Variants in ASXL2 observed in about 807,000 individuals in gnomAD.
ASXL2 encodes ASXL transcriptional regulator 2.
ASXL2 carries 23 observed loss-of-function variants against 122.0 expected under a neutral mutation model. That is an observed-to-expected ratio of 0.19 (90% CI 0.14 to 0.27). ASXL2 has a LOEUF of 0.27. Ranked by LOEUF, ASXL2 falls within the 10% of genes least tolerant of loss-of-function variation. ASXL2 has a pLI of 1.00. For missense variants in ASXL2, 1,518 were observed against 1,713.8 expected (o/e 0.89, Z 2.02); for synonymous variants, 650 against 637.0 (o/e 1.02, Z -0.31).
intron 5 of ASXL2, among the ~76,000 whole-genome samples, chr2:25,774,529 GAATTTATA>G (rs2149157958): frequency 6.6e-6 from 1 of 152,070 alleles, no homozygotes. Context: ...AGGCTGTTTT[GAATTTATA>G]TGTAGTTTTC....
intron 5 of ASXL2, among the ~76,000 whole-genome samples, chr2:25,784,875 G>A (rs2088711317): frequency 6.6e-6 from 1 of 152,208 alleles, no homozygotes; most frequent in Non-Finnish European, 1.5e-5. Flanking sequence ...CAGAGGTTAT[G>A]ATTTCAATAT....
At chr2:25,772,266 T>C (rs2088469041) in intron 5 of ASXL2, among the ~76,000 whole-genome samples, 1 of 152,124 alleles carries the variant, frequency 6.6e-6, no homozygotes, top group African/African-American at 2.4e-5. Context: ...AATACAGAAA[T>C]TGCTGATTCA....
At chr2:25,834,734 CCA>C (rs2089489218) in intron 3 of ASXL2, among the ~76,000 whole-genome samples, 2 of 152,122 alleles carry the variant, frequency 1.3e-5, no homozygotes, top group Admixed American at 6.6e-5. Context: ...AAGGCCATGC[CCA>C]CACACAAAAA....
chr2:25,813,280 G>C (rs908680230), intron 3 of ASXL2, among the ~76,000 whole-genome samples: 2 of 152,100 alleles, frequency 1.3e-5, no homozygotes, highest in Admixed American at 1.3e-4. Flanking sequence ...ATAAACACAG[G>C]TCCACAGTCC....
At chr2:25,799,364 T>G (rs752917598) in intron 5 of ASXL2, 21 bp downstream of exon 5, 28 of 1,613,854 alleles carry the variant, frequency 1.7e-5, no homozygotes, top group Middle Eastern at 1.6e-4. Flanking sequence ...AGTACTTTAT[T>G]GAAGGATCAG....
chr2:25,823,988 T>C (rs2089345495), intron 3 of ASXL2, among the ~76,000 whole-genome samples: 1 of 152,224 alleles, frequency 6.6e-6, no homozygotes, highest in African/African-American at 2.4e-5. Context: ...GGAAACCTTT[T>C]TAAAGTGGAT....
chr2:25,853,125 C>A (rs770943247), intron 1 of ASXL2, among the ~76,000 whole-genome samples: 1 of 152,166 alleles, frequency 6.6e-6, no homozygotes, highest in Non-Finnish European at 1.5e-5. Flanking sequence ...ATTTCACATA[C>A]GGTTTTTGAC....
At chr2:25,848,140 A>G (rs543540119) in intron 1 of ASXL2, among the ~76,000 whole-genome samples, 2 of 152,360 alleles carry the variant, frequency 1.3e-5, no homozygotes, top group East Asian at 3.9e-4. Context: ...TTTCTCTGGC[A>G]TATCAAATCT....
At chr2:25,851,868 G>C (rs2089719689) in intron 1 of ASXL2, among the ~76,000 whole-genome samples, 1 of 152,080 alleles carries the variant, frequency 6.6e-6, no homozygotes, top group Non-Finnish European at 1.5e-5. Flanking sequence ...TCCAGCCTCG[G>C]TGACACAATG....
chr2:25,858,812 A>AT (rs765331691), intron 1 of ASXL2, among the ~76,000 whole-genome samples: 5,096 of 139,166 alleles, frequency 0.037, 133 homozygotes, highest in African/African-American at 0.078. Flanking sequence ...TAGAAATCTA[A>AT]TTTTTTTTTT....
chr2:25,779,436 T>A (rs13004909), intron 5 of ASXL2, among the ~76,000 whole-genome samples: 39,111 of 151,922 alleles, frequency 0.26, 5,257 homozygotes, highest in Non-Finnish European at 0.29. Context: ...CCGCCTAACA[T>A]TTCTGGTTCC....
At chr2:25,813,831 A>G (rs770575321) in intron 3 of ASXL2, among the ~76,000 whole-genome samples, 42 of 152,214 alleles carry the variant, frequency 2.8e-4, no homozygotes, top group Non-Finnish European at 5.1e-4. Context: ...CAGGCGGATC[A>G]TGAGGTCAGG....
intron 1 of ASXL2, among the ~76,000 whole-genome samples, chr2:25,860,492 GAT>G (rs948036059): frequency 3.3e-5 from 5 of 151,470 alleles, no homozygotes; most frequent in African/African-American, 1.2e-4. Flanking sequence ...AAGGCAGGTG[GAT>G]ATGAGGTCAG....
rs1267615610 is a variant in ASXL2, at chr2:25,767,596, C to G, written c.762G>C (p.Glu254Asp). The G allele has an allele frequency of 3.1e-6, 5 of 1,613,738 alleles. No homozygotes were observed. The highest frequency in any genetic ancestry group is 4.2e-6 in the Non-Finnish European group (5 of 1,179,828). ...GLGKKSFQRSERLHTRQMKRT... is the reference protein window; with the variant it reads ...GLGKKSFQRSDRLHTRQMKRT... ...AAGCAAACTTACTGGTATGGAGTCT[C>G]TCAGATCTCTGGAATGACTTCTTCC... The change falls in exon 8 of 13, where the codon GAG (glutamate) becomes GAC (aspartate). Residue 254 changes from glutamate to aspartate, a missense_variant. Physicochemically the swap from Glu to Asp is conservative, Grantham distance 45 (BLOSUM62 2). Coordinates refer to ENST00000435504, the MANE Select transcript of ASXL2 (RefSeq NM_018263.6).
rs537925149 is a variant in ASXL2 at position 25,772,663 on chromosome 2, G to A, written c.404-1123C>T. Among the ~76,000 whole-genome samples, 6 of 149,102 alleles carry A rather than the reference G, an allele frequency of 4.0e-5. No individual in the cohort carries two copies. In the East Asian group the frequency reaches 7.9e-4, roughly 20 times the overall value. On this transcript the variant is annotated intron_variant, in intron 5 of 12. Transcript: ENST00000435504. ...AGAGAATCGCTTGAACCTGGGAGGC[G>A]GAAGTTGTGGTGAGGAGATCATGCC...
intron 5 of ASXL2, among the ~76,000 whole-genome samples, chr2:25,782,958 T>C (rs1271716154): frequency 6.6e-6 from 1 of 151,984 alleles, no homozygotes; most frequent in African/African-American, 2.4e-5. Context: ...TGAAACCCCA[T>C]ATCTACTAAA....
In ASXL2 at chr2:25,868,157, T is replaced by C. The variant is rs115617640; in HGVS notation, c.57+10009A>G. On this transcript the variant is annotated intron_variant, in intron 1 of 12. Coordinates refer to ENST00000435504, the MANE Select transcript of ASXL2 (RefSeq NM_018263.6). ...GAACCTCTCAAATCAGACAGGAAAC[T>C]AGTCACTATAAATCAATAGCAAAAC... Among the ~76,000 whole-genome samples, 366 of 152,374 alleles carry C rather than the reference T, an allele frequency of 2.4e-3. 2 individuals are homozygous for C. Among genetic ancestry groups the C allele is most frequent in the African/African-American group, 8.4e-3 (348 of 41,602 alleles).
In ASXL2 at chr2:25,808,023, T is replaced by TCA. The variant is rs2089109981; in HGVS notation, c.144-1687_144-1686insTG. 9.5e-5 allele frequency among the ~76,000 whole-genome samples: 11 copies of TCA among 115,768 alleles called. No individual in the cohort carries two copies. In the South Asian group the frequency reaches 2.7e-3, roughly 28 times the overall value. The allele number at this position is 115,768 out of a possible 152,430, so 75.9% of individuals were successfully genotyped here. ...CACACACACACACACACACACACAC[T>TCA]CTCCACCCCAAAGAACAGATACATG... On this transcript the variant is annotated intron_variant, in intron 3 of 12. Coordinates refer to ENST00000435504, the MANE Select transcript of ASXL2 (RefSeq NM_018263.6).
At chr2:25,786,620 A>G (rs1216501005) in intron 5 of ASXL2, among the ~76,000 whole-genome samples, 1 of 152,144 alleles carries the variant, frequency 6.6e-6, no homozygotes, top group African/African-American at 2.4e-5. Flanking sequence ...TTGAGAGGCT[A>G]AGGCAGGTGG....
Sources: allele counts gnomAD v4.1 joint callset (sites outside exome capture counted in the v4.1 genomes callset), GRCh38; gene constraint gnomAD v4.1.1; transcripts MANE v1.5; gene names NCBI Gene and HGNC (gene_info 2026-07-23, HGNC 2026-07-21).